SNTB2: variants seen among roughly 807,000 people sequenced by gnomAD.
SNTB2 encodes beta-2-syntrophin.
SNTB2 carries 34 observed loss-of-function variants against 46.2 expected under a neutral mutation model. That is an observed-to-expected ratio of 0.74 (90% CI 0.56 to 0.98). SNTB2 has a LOEUF of 0.98. Among genes scored for constraint, SNTB2 ranks in the 50% least tolerant of loss-of-function variants. The pLI is 0.00. For missense variants in SNTB2, 603 were observed against 731.4 expected (o/e 0.82, Z 2.02); for synonymous variants, 290 against 312.6 (o/e 0.93, Z 0.76).
intron 5 of SNTB2, among the ~76,000 whole-genome samples, chr16:69,298,749 T>A (rs1330420149): frequency 6.6e-6 from 1 of 152,102 alleles, no homozygotes; most frequent in East Asian, 1.9e-4. Flanking sequence ...CTCTAACTCC[T>A]GACCTCAAGT....
intron 1 of SNTB2, among the ~76,000 whole-genome samples, chr16:69,234,334 C>G (rs574606926): frequency 6.6e-6 from 1 of 152,022 alleles, no homozygotes; most frequent in Non-Finnish European, 1.5e-5. Flanking sequence ...TTTTGTCTCA[C>G]AAGAACCCAA....
chr16:69,228,900 C>T (rs1196385058), intron 1 of SNTB2, among the ~76,000 whole-genome samples: 2 of 152,092 alleles, frequency 1.3e-5, no homozygotes, highest in Non-Finnish European at 2.9e-5. Context: ...AACAAATAAA[C>T]GGTAATATCA....
chr16:69,281,787 G>T (rs1271162186), intron 4 of SNTB2, among the ~76,000 whole-genome samples: 4 of 151,560 alleles, frequency 2.6e-5, no homozygotes, highest in Non-Finnish European at 5.9e-5. Flanking sequence ...AGGTTGCAGT[G>T]AGCGGAAATC....
intron 1 of SNTB2, among the ~76,000 whole-genome samples, chr16:69,220,091 TAA>T (rs1362393500): frequency 6.6e-6 from 1 of 151,624 alleles, no homozygotes; most frequent in Admixed American, 6.6e-5. Flanking sequence ...ATAACTTACT[TAA>T]GCCTCTTGAT....
At chr16:69,288,312 A>G (rs1334321359) in intron 5 of SNTB2, among the ~76,000 whole-genome samples, 4 of 152,208 alleles carry the variant, frequency 2.6e-5, no homozygotes, top group Middle Eastern at 3.2e-3. Context: ...TCCCAGGCTC[A>G]TAGTTGTTTA....
chr16:69,235,948 T>C (rs184177278), intron 1 of SNTB2: 2 of 950,838 alleles, frequency 2.1e-6, no homozygotes, highest in African/African-American at 1.7e-5. Context: ...CTTAGTAAGC[T>C]CCCATTACTT....
chr16:69,266,999 G>A (rs941636228), intron 3 of SNTB2, among the ~76,000 whole-genome samples: 6 of 151,506 alleles, frequency 4.0e-5, no homozygotes, highest in African/African-American at 1.2e-4. Context: ...CACCCAGCCA[G>A]TAAAACATTT....
At chr16:69,224,104 C>T (rs1964434243) in intron 1 of SNTB2, among the ~76,000 whole-genome samples, 1 of 151,948 alleles carries the variant, frequency 6.6e-6, no homozygotes. Flanking sequence ...CTCAGTGTAT[C>T]ATATTGGGCA....
At chr16:69,246,991 A>G (rs1349170073) in intron 2 of SNTB2, among the ~76,000 whole-genome samples, 1 of 150,898 alleles carries the variant, frequency 6.6e-6, no homozygotes, top group Non-Finnish European at 1.5e-5. Context: ...TGGCACATGT[A>G]TATATATGTA....
At chr16:69,272,975 G>C (rs1964953027) in intron 4 of SNTB2, among the ~76,000 whole-genome samples, 1 of 151,826 alleles carries the variant, frequency 6.6e-6, no homozygotes, top group Middle Eastern at 3.4e-3. Context: ...ATAGGAACAT[G>C]AGAAGATGTT....
Position 69,245,591 on chromosome 16 carries a change from T to G in SNTB2, c.581-11T>G. ...ATTACTAACCTTCTTCTTTGATTTT[T>G]TTGTTCATAGTCAAGTTCATCCGAG... On this transcript the variant is annotated splice_polypyrimidine_tract_variant and intron_variant, in intron 1 of 6. Transcript: ENST00000336278. 1 of 1,612,950 alleles carries G rather than the reference T, an allele frequency of 6.2e-7. No homozygotes were observed. The highest frequency in any genetic ancestry group is 8.5e-7 in the Non-Finnish European group (1 of 1,179,132).
chr16:69,265,294 A>C (rs1265276337), intron 3 of SNTB2, among the ~76,000 whole-genome samples: 1 of 152,214 alleles, frequency 6.6e-6, no homozygotes. Context: ...TTATTTTAAC[A>C]GTCACTACTT....
intron 3 of SNTB2, among the ~76,000 whole-genome samples, chr16:69,262,670 T>A (rs929047812): frequency 1.3e-5 from 2 of 152,128 alleles, no homozygotes; most frequent in Non-Finnish European, 2.9e-5. Context: ...TTTTAATGTA[T>A]TTTGAAATAT....
At chr16:69,199,961 C>G (rs191223912) in intron 1 of SNTB2, among the ~76,000 whole-genome samples, 2 of 152,120 alleles carry the variant, frequency 1.3e-5, no homozygotes, top group Admixed American at 1.3e-4. Context: ...GTCGCCCAGG[C>G]TGGAGTGCAG....
chr16:69,208,971 A>AGTGTGTGTGTGTGTGTGTGTGTGTGT (rs570119837), intron 1 of SNTB2, among the ~76,000 whole-genome samples: 11 of 149,220 alleles, frequency 7.4e-5, no homozygotes, highest in African/African-American at 2.8e-4. Flanking sequence ...TGAATTTTTG[A>AGTGTGTGTGTGTGTGTGTGTGTGTGT]GTGTGTGTGT....
At chr16:69,200,604 G>A (rs1338120208) in intron 1 of SNTB2, among the ~76,000 whole-genome samples, 3 of 152,190 alleles carry the variant, frequency 2.0e-5, no homozygotes, top group Admixed American at 2.0e-4. Context: ...AACTGAGAAT[G>A]TTAACAGTGA....
intron 1 of SNTB2, among the ~76,000 whole-genome samples, chr16:69,197,682 T>C (rs1964117900): frequency 6.6e-6 from 1 of 152,254 alleles, no homozygotes; most frequent in Admixed American, 6.5e-5. Flanking sequence ...TATATTCATC[T>C]TTACAAGTAA....
At chr16:69,246,457 T>G (rs1964670954) in intron 2 of SNTB2, among the ~76,000 whole-genome samples, 1 of 149,342 alleles carries the variant, frequency 6.7e-6, no homozygotes, top group African/African-American at 2.5e-5. Context: ...GCTGGATTCG[T>G]TTTGCCAGTA....
intron 1 of SNTB2, among the ~76,000 whole-genome samples, chr16:69,212,756 T>C (rs765221212): frequency 3.7e-4 from 56 of 152,348 alleles, no homozygotes; most frequent in Admixed American, 8.5e-4. Flanking sequence ...TGCCTCAGCC[T>C]CCTGAGTAGC....
Sources: allele counts gnomAD v4.1 joint callset (sites outside exome capture counted in the v4.1 genomes callset), GRCh38; gene constraint gnomAD v4.1.1; transcripts MANE v1.5; gene names NCBI Gene and HGNC (gene_info 2026-07-23, HGNC 2026-07-21).